The following PCDHGB6 variants were observed in gnomAD, a reference collection of about 807,000 sequenced individuals.
PCDHGB6 encodes the protein protocadherin gamma subfamily B, 6.
Under a neutral mutation model 59.1 loss-of-function variants are expected in PCDHGB6, and 51 were observed. The observed-to-expected ratio is 0.86, with a 90% CI of 0.69 to 1.09. The LOEUF (loss-of-function observed/expected upper bound fraction) is 1.09. Among genes scored for constraint, PCDHGB6 ranks in the 50% least tolerant of loss-of-function variants. PCDHGB6 has a pLI of 0.00. For synonymous variants in PCDHGB6, 466 were observed against 495.1 expected (o/e 0.94, Z 0.78); for missense variants, 1,148 against 1,205.1 (o/e 0.95, Z 0.70).
intron 1 of PCDHGB6, among the ~76,000 whole-genome samples, chr5:141,450,682 T>C (rs112841569): frequency 0.042 from 6,384 of 151,996 alleles, 168 homozygotes; most frequent in Middle Eastern, 0.086. Context: ...AAACGGGGTT[T>C]TGCCATGTTG....
At chr5:141,468,382 G>T (rs1247387630) in intron 1 of PCDHGB6, 1 of 151,194 alleles carries the variant, frequency 6.6e-6, no homozygotes, top group Non-Finnish European at 1.5e-5. Context: ...GCCATACAAG[G>T]CTACCCATTT....
At chr5:141,443,448 T>C (rs1205977008) in intron 1 of PCDHGB6, among the ~76,000 whole-genome samples, 1 of 152,210 alleles carries the variant, frequency 6.6e-6, no homozygotes, top group African/African-American at 2.4e-5. Context: ...GTTGCGCTCC[T>C]GTACTCCAGT....
In PCDHGB6 at chr5:141,423,718, A is replaced by G. The variant is rs1450410707; in HGVS notation, c.2418+13098A>G. The G allele has an allele frequency of 4.8e-6, 5 of 1,049,028 alleles. No homozygotes were observed. In the East Asian group the frequency reaches 2.9e-4, roughly 60 times the overall value. 65.0% of individuals were successfully genotyped at this position (1,049,028 alleles called of 1,614,324 possible). On this transcript the variant is annotated intron_variant, in intron 1 of 3. Coordinates refer to ENST00000520790, the MANE Select transcript of PCDHGB6 (RefSeq NM_018926.3). The stretch of plus-strand genomic sequence containing the variant: ...GTGTCTTGGCACAAGTCTTTTAAGG[A>G]GATGTTTTTTGAGCCTGTTATGAAA...
chr5:141,435,542 A>C (rs1402711516), intron 1 of PCDHGB6, among the ~76,000 whole-genome samples: 1 of 152,146 alleles, frequency 6.6e-6, no homozygotes, highest in Non-Finnish European at 1.5e-5. Flanking sequence ...GAATTAACAA[A>C]ATGTGTTTTG....
At position 141,421,347 on chromosome 5, in the gene PCDHGB6, C is replaced by T. The variant is rs147068995; in HGVS notation, c.2418+10727C>T. 359 of 1,613,948 alleles carry T rather than the reference C, an allele frequency of 2.2e-4. 2 individuals carry two copies. In the East Asian group the frequency reaches 6.5e-3, roughly 29 times the overall value. On this transcript the variant is annotated intron_variant, in intron 1 of 3. Coordinates refer to ENST00000520790, the MANE Select transcript of PCDHGB6 (RefSeq NM_018926.3). ...TCCGATATTCGGTGCCAGAAGAGAC[C>T]GAAAAGGGCTCCTTCGTGGGCAATA...
Position 141,409,297 on chromosome 5 carries a change from T to TGTGAATG in PCDHGB6, c.1097_1098insGAATGGT (p.Ala367AsnfsTer21), listed in dbSNP as rs774936669. On this transcript the variant is annotated frameshift_variant, in exon 1 of 4. Transcript: ENST00000520790. LOFTEE classifies it high-confidence loss of function. ...TGGAGAATTCACCTCCAGGAATGGT[T>TGTGAATG]GTTGCCCTCTTCAAAACACGGGATC... The TGTGAATG allele has an allele frequency of 1.3e-5, 21 of 1,613,888 alleles. No homozygotes were observed. In the African/African-American group the frequency reaches 2.7e-4, roughly 21 times the overall value.
intron 1 of PCDHGB6, among the ~76,000 whole-genome samples, chr5:141,475,532 T>C (rs1011968434): frequency 6.6e-6 from 1 of 152,228 alleles, no homozygotes; most frequent in East Asian, 1.9e-4. Context: ...AAATGCCTCC[T>C]TACAAGTAGG....
In PCDHGB6 at chr5:141,477,531, C is replaced by T. The variant is rs1316982512; in HGVS notation, c.2419-17276C>T. 5 of 1,614,162 alleles carry T rather than the reference C, an allele frequency of 3.1e-6. No homozygotes were observed. Among genetic ancestry groups the T allele is most frequent in the Middle Eastern group, 1.6e-4 (1 of 6,062 alleles). On this transcript the variant is annotated intron_variant, in intron 1 of 3. Transcript: ENST00000520790. This position sits in a 1 kb window ranked among gnomAD's most constrained non-coding sequence, Gnocchi z 4.9. ...GTTTACATTGAAGAAAACAACCTCC[C>T]CGGGGCTCCAATACTAAACCTAAGT... is the stretch of plus-strand genomic sequence containing the variant.
intron 1 of PCDHGB6, chr5:141,412,214 A>G (rs1196919276): frequency 6.6e-6 from 1 of 152,196 alleles, no homozygotes; most frequent in African/African-American, 2.4e-5. Context: ...TGACATAAAC[A>G]CTTACTTGTT....
Position 141,408,151 on chromosome 5 carries a change from T to G in PCDHGB6, c.-52T>G, listed in dbSNP as rs2154539780. ...CGAATGCTCTTTTAGCGCGGTAGAG[T>G]GCACTTTCTCCAACTGGAAAAGCGG... On this transcript the variant is annotated 5_prime_UTR_variant, in exon 1 of 4. Transcript: ENST00000520790. 3.3e-6 allele frequency: 5 copies of G among 1,506,938 alleles called. No individual in the cohort carries two copies. In the East Asian group the frequency reaches 1.2e-4, roughly 37 times the overall value. 93.3% of individuals were successfully genotyped at this position (1,506,938 alleles called of 1,614,324 possible). A position where few individuals can be genotyped will look rare whatever the true frequency, so the allele number is the denominator to read the frequency against.
chr5:141,416,532 A>T (rs3806830), intron 1 of PCDHGB6: 1 of 152,142 alleles, frequency 6.6e-6, no homozygotes, highest in Non-Finnish European at 1.5e-5. Context: ...TCTTTAATGT[A>T]TAAGGAGGCA....
intron 1 of PCDHGB6, chr5:141,428,444 T>C (rs2097139811): frequency 5.3e-6 from 2 of 379,264 alleles, no homozygotes; most frequent in Non-Finnish European, 1.0e-5. Context: ...AGACCAGGGG[T>C]TTTTCCCAAC....
Position 141,410,189 on chromosome 5 carries a change from G to A in PCDHGB6, c.1987G>A (p.Val663Ile). Residue 663 changes from valine (V) to isoleucine (I), a missense_variant, in exon 1 of 4, where the codon GTC becomes ATC. By Grantham distance (29) the Val-to-Ile change is conservative. Around this residue, in one of 5 missense-constraint regions of PCDHGB6, gnomAD observed 549 missense variants for 527.5 expected, o/e 1.04. Transcript: ENST00000520790. ...PLSATATLHL[V>I]FADNLQEILP... ...CTCTGCCACCGCCACGCTTCATCTG[G>A]TCTTCGCAGACAACTTGCAAGAGAT... 6.2e-7 allele frequency: 1 copy of A among 1,613,992 alleles called. No individual in the cohort carries two copies. Among genetic ancestry groups the A allele is most frequent in the Non-Finnish European group, 8.5e-7 (1 of 1,179,868 alleles).
chr5:141,473,260 G>T (rs2099318007), intron 1 of PCDHGB6, among the ~76,000 whole-genome samples: 1 of 152,148 alleles, frequency 6.6e-6, no homozygotes, highest in South Asian at 2.1e-4. Flanking sequence ...ATAGTCCTTA[G>T]TGTATGCTAT....
In PCDHGB6 at chr5:141,409,916, T is replaced by C. The variant is rs762510018; in HGVS notation, c.1714T>C (p.Ser572Pro). 1.9e-6 allele frequency: 3 copies of C among 1,613,298 alleles called. No homozygotes were observed. Among genetic ancestry groups the C allele is most frequent in the Non-Finnish European group, 2.5e-6 (3 of 1,179,736 alleles). ...VLYPALGPDG[S>P]AFFDMVPRSA... is the part of the protein sequence containing the mutation. ...GTACCCAGCTCTGGGTCCTGACGGC[T>C]CCGCGTTCTTCGATATGGTACCTCG... is the stretch of plus-strand genomic sequence containing the variant. Residue 572 changes from serine (S) to proline (P), a missense_variant, in exon 1 of 4, where the codon TCC (serine) becomes CCC (proline). This residue lies in a region of PCDHGB6 where 549 missense variants were observed against 527.5 expected (regional missense o/e 1.04). Coordinates refer to ENST00000520790, the MANE Select transcript of PCDHGB6 (RefSeq NM_018926.3).
chr5:141,500,460 C>T (rs1421637554), intron 2 of PCDHGB6, among the ~76,000 whole-genome samples: 2 of 152,234 alleles, frequency 1.3e-5, no homozygotes, highest in South Asian at 2.1e-4. Context: ...CCGCCCGCCT[C>T]GGCCTCCCAA....
intron 1 of PCDHGB6, chr5:141,420,202 C>T (rs2096476837): frequency 6.2e-7 from 1 of 1,613,136 alleles, no homozygotes. Flanking sequence ...AAGATAACCT[C>T]AACAAAGATA....
intron 1 of PCDHGB6, among the ~76,000 whole-genome samples, chr5:141,444,838 T>G (rs2098448876): frequency 6.6e-6 from 1 of 152,214 alleles, no homozygotes; most frequent in African/African-American, 2.4e-5. Context: ...AGCTTTATAG[T>G]AAGTCTTGCT....
In PCDHGB6 at chr5:141,418,992, A is replaced by G. The variant is rs554523363; in HGVS notation, c.2418+8372A>G. 28 of 1,613,802 alleles carry G rather than the reference A, an allele frequency of 1.7e-5. No individual in the cohort carries two copies. The African/African-American group carries it at 2.7e-4, about 15-fold the overall frequency. On this transcript the variant is annotated intron_variant, in intron 1 of 3. Coordinates refer to ENST00000520790, the MANE Select transcript of PCDHGB6 (RefSeq NM_018926.3). Reference sequence around the variant, plus strand: ...AAAACACGGGACCAAGACTCAGGGGAAAATGGGGAAGTCAGGTGTAGCTTA... The same window carrying G: ...AAAACACGGGACCAAGACTCAGGGGGAAATGGGGAAGTCAGGTGTAGCTTA...
Sources: allele counts gnomAD v4.1 joint callset (sites outside exome capture counted in the v4.1 genomes callset), GRCh38; gene constraint gnomAD v4.1.1; regional missense constraint gnomAD v4.1.1; non-coding constraint Gnocchi (gnomAD v3.1); transcripts MANE v1.5; gene names NCBI Gene and HGNC (gene_info 2026-07-23, HGNC 2026-07-21).